The following GOT1L1 variants were observed in gnomAD, a reference collection of about 807,000 sequenced individuals.
GOT1L1 encodes aspartate aminotransferase, cytoplasmic 2.
In GOT1L1, 38 loss-of-function variants were observed where a neutral mutation model predicts 43.6. That is an observed-to-expected ratio of 0.87 (90% CI 0.67 to 1.14). GOT1L1 has a LOEUF of 1.14. Among genes scored for constraint, GOT1L1 ranks in the 50% most tolerant of loss-of-function variants. The pLI, the probability that GOT1L1 is intolerant of heterozygous loss-of-function variation, is 0.00. For synonymous variants in GOT1L1, 183 were observed against 187.2 expected, an observed-to-expected ratio of 0.98 and a Z score of 0.18; for missense variants, 482 against 504.0, an observed-to-expected ratio of 0.96 and a Z score of 0.42.
intron 8 of GOT1L1, 178 bp downstream of exon 8, chr8:37,934,895 G>T (rs956473350): frequency 2.6e-5 from 18 of 684,126 alleles, no homozygotes; most frequent in African/African-American, 2.5e-4. Flanking sequence ...GTTTATGAAG[G>T]ATAGGGAGTG....
In GOT1L1 at chr8:37,937,726, A is replaced by C. The variant is rs1585475293; in HGVS notation, c.321T>G (p.Gly107=). ...ENRVGGVHTV[G]DSGAFQLGVQ... is the part of the protein sequence containing the mutation. The stretch of plus-strand genomic sequence containing the variant: ...CGCCAAGCTGGAAGGCACCACTGTC[A>C]CCAACAGTGTGTACACCCCCTACCT... Residue 107 remains glycine (G), a synonymous_variant, in exon 3 of 9, where the codon GGT becomes GGG. Coordinates refer to ENST00000307599, the MANE Select transcript of GOT1L1 (RefSeq NM_152413.3). 3.1e-6 allele frequency: 5 copies of C among 1,612,506 alleles called. No individual in the cohort carries two copies. Among genetic ancestry groups the C allele is most frequent in the Non-Finnish European group, 4.2e-6 (5 of 1,179,112 alleles).
In GOT1L1 at chr8:37,940,061, G is replaced by T; in HGVS notation, c.-32C>A. On this transcript the variant is annotated 5_prime_UTR_variant, in exon 1 of 9. Transcript: ENST00000307599. ...AACGAAACTGGAGCCAAGACTATGT[G>T]TCTCTGCTCCTGTGTTCCGCTTCTG... The T allele has an allele frequency of 3.8e-6, 6 of 1,597,484 alleles. No individual in the cohort carries two copies. The highest frequency in any genetic ancestry group is 5.1e-6 in the Non-Finnish European group (6 of 1,171,536).
Position 37,938,768 on chromosome 8 carries a change from T to G in GOT1L1, c.229A>C (p.Lys77Gln). The change falls in exon 2 of 9, where the codon AAA becomes CAA. Residue 77 changes from lysine to glutamine, a missense_variant. By Grantham distance (53) the Lys-to-Gln change is moderately conservative. Coordinates refer to ENST00000307599, the MANE Select transcript of GOT1L1 (RefSeq NM_152413.3). ...GCTAGAGAGGCCTGGATGAATGATT[T>G]CAGGCCCATGGTGGGCAAGTACTCA... ...NYEYLPTMGL[K>Q]SFIQASLALL... 6.2e-7 allele frequency: 1 copy of G among 1,611,154 alleles called. No individual in the cohort carries two copies. The highest frequency in any genetic ancestry group is 1.3e-5 in the African/African-American group (1 of 75,024).
intron 2 of GOT1L1, 22 bp from the exon 3 acceptor site, chr8:37,937,771 A>T: frequency 6.4e-7 from 1 of 1,553,004 alleles, no homozygotes; most frequent in South Asian, 1.1e-5. Flanking sequence ...ACATAGACAC[A>T]AATAGGCCAG....
Position 37,934,476 on chromosome 8 carries a change from C to T in GOT1L1, c.1083G>A (p.Val361=). 1 of 1,612,450 alleles carries T rather than the reference C, an allele frequency of 6.2e-7. No individual in the cohort carries two copies. Among genetic ancestry groups the T allele is most frequent in the Non-Finnish European group, 8.5e-7 (1 of 1,178,620 alleles). ...HGYLGLNSQQ[V]EYLVRKKHIY... ...TGTGCTTCTTCCTGACCAGGTATTCCACCTGCTGGGCTAAAATCATGACAA... is the reference window on the plus strand; with the variant it reads ...TGTGCTTCTTCCTGACCAGGTATTCTACCTGCTGGGCTAAAATCATGACAA... Residue 361 remains valine, a synonymous_variant, in exon 9 of 9, where the codon GTG becomes GTA. Coordinates refer to ENST00000307599, the MANE Select transcript of GOT1L1 (RefSeq NM_152413.3).
At chr8:37,939,397 G>A (rs1807851420) in intron 1 of GOT1L1, among the ~76,000 whole-genome samples, 2 of 127,538 alleles carry the variant, frequency 1.6e-5, no homozygotes, top group South Asian at 5.2e-4. Flanking sequence ...CTGGGCAACA[G>A]AGTGAGGCCC....
At position 37,937,093 on chromosome 8, in the gene GOT1L1, C is replaced by T. The variant is rs199632819; in HGVS notation, c.520-36G>A. On this transcript the variant is annotated intron_variant, in intron 4 of 8. Coordinates refer to ENST00000307599, the MANE Select transcript of GOT1L1 (RefSeq NM_152413.3). The stretch of plus-strand genomic sequence containing the variant: ...AGACGGTCTCATCAGGCTTCACCCC[C>T]ACCCAGGAGTGGCGGCCCCAGGGCA... 10 of 1,594,780 alleles carry T rather than the reference C, an allele frequency of 6.3e-6. No homozygotes were observed. In the African/African-American group the frequency reaches 8.0e-5, roughly 13 times the overall value.
At chr8:37,939,449 T>A (rs1475423616) in intron 1 of GOT1L1, among the ~76,000 whole-genome samples, 2,289 of 46,654 alleles carry the variant, frequency 0.049, 327 homozygotes, top group East Asian at 0.36. Context: ...TATATATATA[T>A]ATATATATAT....
chr8:37,935,330 C>T, intron 7 of GOT1L1, 115 bp from the exon 8 acceptor site: 1 of 1,063,900 alleles, frequency 9.4e-7, no homozygotes, highest in South Asian at 1.7e-5. Context: ...GTGCCAGAGG[C>T]TCTGGGATGA....
Position 37,938,999 on chromosome 8 carries a change from CT to C in GOT1L1, c.116-119del, listed in dbSNP as rs368309565. The stretch of plus-strand genomic sequence containing the variant: ...ACTCCATGGGGCTGTGGGAAGGTGC[CT>C]GTGAAAATACAACTTTCCCTTTTCT... On this transcript the variant is annotated intron_variant, in intron 1 of 8. Transcript: ENST00000307599. The C allele has an allele frequency of 1.2e-4, 96 of 820,658 alleles. No homozygotes were observed. In the African/African-American group the frequency reaches 1.4e-3, roughly 12 times the overall value. 50.8% of individuals were successfully genotyped at this position (820,658 alleles called of 1,614,324 possible). A position where few individuals can be genotyped will look rare whatever the true frequency, so the allele number is the denominator to read the frequency against.
intron 8 of GOT1L1, 28 bp from the exon 9 acceptor site, chr8:37,934,514 C>T (rs757335593): frequency 2.6e-6 from 4 of 1,526,706 alleles, no homozygotes; most frequent in East Asian, 4.5e-5. Flanking sequence ...TCTCAGATCT[C>T]GAGACTGGCC....
intron 7 of GOT1L1, 37 bp from the exon 8 acceptor site, chr8:37,935,252 G>C (rs1360710391): frequency 6.5e-7 from 1 of 1,547,842 alleles, no homozygotes; most frequent in Non-Finnish European, 8.7e-7. Context: ...AGGGTGTGAG[G>C]TCCCCCTTGC....
chr8:37,938,934 G>C, intron 1 of GOT1L1, 53 bp from the exon 2 acceptor site: 2 of 1,547,086 alleles, frequency 1.3e-6, no homozygotes, highest in Non-Finnish European at 1.8e-6. Flanking sequence ...GGCCCCCAGG[G>C]CTGAGCTCTG....
rs1807788468 is a variant in GOT1L1, at chr8:37,937,324, G to C, written c.472C>G (p.Pro158Ala). The change falls in exon 4 of 9, where the codon CCC (proline) becomes GCC (alanine). Residue 158 changes from proline (P) to alanine (A), a missense_variant. Transcript: ENST00000307599. ...FTVYEYSVWD[P>A]KKLCMDPDIL... ...TCGGGGTCCATGCATAGCTTCTTGG[G>C]GTCCCAGACAGAGTATTCATAAACT... is the stretch of plus-strand genomic sequence containing the variant. The C allele has an allele frequency of 6.2e-7, 1 of 1,610,524 alleles. No individual in the cohort carries two copies. Among genetic ancestry groups the C allele is most frequent in the Admixed American group, 1.7e-5 (1 of 59,236 alleles).
intron 2 of GOT1L1, 121 bp from the exon 3 acceptor site, chr8:37,937,870 G>A (rs146312959): frequency 1.5e-4 from 97 of 647,662 alleles, no homozygotes; most frequent in African/African-American, 1.3e-3. Context: ...TTGAAACCCC[G>A]TATCTACTAA....
chr8:37,937,112 C>T, intron 4 of GOT1L1, 55 bp from the exon 5 acceptor site: 1 of 1,549,172 alleles, frequency 6.5e-7, no homozygotes, highest in South Asian at 1.1e-5. Flanking sequence ...GTGGCGGCCC[C>T]AGGGCATTTG....
At chr8:37,938,418 A>G (rs1444088678) in intron 2 of GOT1L1, among the ~76,000 whole-genome samples, 1 of 152,170 alleles carries the variant, frequency 6.6e-6, no homozygotes, top group East Asian at 1.9e-4. Context: ...ATAATAGGTT[A>G]AAAAATAAAA....
In GOT1L1 at chr8:37,938,854, C is replaced by T; in HGVS notation, c.143G>A (p.Trp48Ter). ...RVCMTNEGHP[W>*]VSLVVQKTRL... ...AGTCTTCTGCACCACGAGAGAAACC[C>T]AGGGATGGCCTTCATTTGTCATGCA... Residue 48 changes from tryptophan to a stop codon, truncating the protein, a stop_gained, in exon 2 of 9, where the codon TGG (tryptophan) becomes TAG (stop). Coordinates refer to ENST00000307599, the MANE Select transcript of GOT1L1 (RefSeq NM_152413.3). LOFTEE classifies it high-confidence loss of function. The T allele has an allele frequency of 1.9e-6, 3 of 1,613,778 alleles. No individual in the cohort carries two copies. Among genetic ancestry groups the T allele is most frequent in the Non-Finnish European group, 1.7e-6 (2 of 1,179,750 alleles).
chr8:37,937,766 G>A lies in GOT1L1; in HGVS notation c.298-17C>T, dbSNP rs1391001124. ...ACCCCCTACCTGCCAGCAAGACATA[G>A]ACACAAATAGGCCAGGTGTGGTGGC... On this transcript the variant is annotated splice_polypyrimidine_tract_variant and intron_variant, in intron 2 of 8. Transcript: ENST00000307599. The A allele has an allele frequency of 1.3e-6, 2 of 1,566,744 alleles. No individual in the cohort carries two copies. Among genetic ancestry groups the A allele is most frequent in the African/African-American group, 2.7e-5 (2 of 73,960 alleles).
Sources: gnomAD v4.1 joint callset for allele counts (sites outside exome capture counted in the v4.1 genomes callset) on GRCh38, gnomAD v4.1.1 for gene constraint, MANE v1.5 for transcripts, NCBI Gene and HGNC (gene_info 2026-07-23, HGNC 2026-07-21) for gene names.